Variants in SWT1 observed in about 807,000 individuals in gnomAD.
SWT1 encodes the protein transcriptional protein SWT1.
Under a neutral mutation model 107.3 loss-of-function variants are expected in SWT1, and 33 were observed. The ratio of observed to expected loss-of-function variants is 0.31; its 90% CI spans 0.23 to 0.41. SWT1 has a LOEUF of 0.41. Among genes scored for constraint, SWT1 ranks in the 10% least tolerant of loss-of-function variants. The pLI, the probability that SWT1 is intolerant of heterozygous loss-of-function variation, is 1.00. For missense variants in SWT1, 898 were observed against 1,028.9 expected (o/e 0.87, Z 1.74); for synonymous variants, 345 against 348.3 (o/e 0.99, Z 0.11).
intron 16 of SWT1, among the ~76,000 whole-genome samples, chr1:185,240,018 G>C (rs987829026): frequency 7.2e-5 from 11 of 151,968 alleles, no homozygotes; most frequent in African/African-American, 2.7e-4. Context: ...CCAACTCTGA[G>C]GCACACTGTA....
Position 185,255,297 on chromosome 1 carries a change from C to T in SWT1, c.2442-16026C>T, listed in dbSNP as rs552924510. Among the ~76,000 whole-genome samples, 7 of 149,208 alleles carry T rather than the reference C, an allele frequency of 4.7e-5. No individual in the cohort carries two copies. In the East Asian group the frequency reaches 7.9e-4, roughly 17 times the overall value. ...GAGTTCTGTAGATGTCTATTAGGTC[C>T]ACTTGGTGCAGAGCTGAGTTCAATT... On this transcript the variant is annotated intron_variant, in intron 16 of 18. Transcript: ENST00000367500.
chr1:185,280,320 T>G (rs916721947), intron 18 of SWT1, among the ~76,000 whole-genome samples: 51 of 152,342 alleles, frequency 3.3e-4, no homozygotes, highest in African/African-American at 1.2e-3. Context: ...TAAACCTCTT[T>G]CCTTTATAAA....
At chr1:185,212,376 A>AT (rs1558044358) in intron 13 of SWT1, among the ~76,000 whole-genome samples, 1 of 151,986 alleles carries the variant, frequency 6.6e-6, no homozygotes. Flanking sequence ...TTTTCCTGGC[A>AT]GGGGGGTCTG....
chr1:185,182,326 T>G (rs1192415673), intron 7 of SWT1, among the ~76,000 whole-genome samples: 1 of 152,212 alleles, frequency 6.6e-6, no homozygotes, highest in Non-Finnish European at 1.5e-5. Context: ...TCTTTTATTC[T>G]TGCTGTTATA....
chr1:185,210,405 G>A (rs1412948685), intron 13 of SWT1, among the ~76,000 whole-genome samples: 1 of 152,138 alleles, frequency 6.6e-6, no homozygotes, highest in Non-Finnish European at 1.5e-5. Flanking sequence ...TGTATAAGGT[G>A]TAAGGAAGGG....
intron 18 of SWT1, among the ~76,000 whole-genome samples, chr1:185,278,105 G>A (rs1490738450): frequency 6.6e-6 from 1 of 152,046 alleles, no homozygotes; most frequent in Non-Finnish European, 1.5e-5. Flanking sequence ...ATTGATTACA[G>A]GCATGAGCCA....
chr1:185,196,737 C>A (rs892967900), intron 10 of SWT1, among the ~76,000 whole-genome samples: 2 of 152,004 alleles, frequency 1.3e-5, no homozygotes, highest in African/African-American at 4.8e-5. Context: ...ATTTTATTGT[C>A]TTTGTAGCAA....
intron 16 of SWT1, among the ~76,000 whole-genome samples, chr1:185,237,254 A>G (rs940464914): frequency 1.3e-5 from 2 of 152,198 alleles, no homozygotes; most frequent in Non-Finnish European, 2.9e-5. Flanking sequence ...ATGCACACAT[A>G]TGTTTATTGC....
At chr1:185,265,621 C>T (rs558797221) in intron 16 of SWT1, among the ~76,000 whole-genome samples, 167 of 152,308 alleles carry the variant, frequency 1.1e-3, no homozygotes, top group Non-Finnish European at 1.9e-3. Context: ...TCCATCCATT[C>T]ACCAGCTTTG....
chr1:185,252,528 G>A (rs1054486201), intron 16 of SWT1, among the ~76,000 whole-genome samples: 2 of 152,196 alleles, frequency 1.3e-5, no homozygotes, highest in African/African-American at 2.4e-5. Flanking sequence ...TTCTCTGATG[G>A]CCAGTGATAA....
chr1:185,248,568 A>G (rs771941066), intron 16 of SWT1, among the ~76,000 whole-genome samples: 6 of 152,106 alleles, frequency 3.9e-5, no homozygotes, highest in Non-Finnish European at 5.9e-5. Context: ...ATGAATTTCT[A>G]CACTCCCCCT....
chr1:185,276,002 G>A (rs1403914612), intron 17 of SWT1, among the ~76,000 whole-genome samples: 2 of 151,906 alleles, frequency 1.3e-5, no homozygotes, highest in African/African-American at 4.8e-5. Flanking sequence ...TATATTATTT[G>A]TTATCTGATC....
chr1:185,242,149 A>C (rs989180086), intron 16 of SWT1, among the ~76,000 whole-genome samples: 1 of 152,202 alleles, frequency 6.6e-6, no homozygotes, highest in Admixed American at 6.5e-5. Flanking sequence ...ATATAAGGTC[A>C]TATGTGTAAA....
At chr1:185,244,765 T>C (rs1291201209) in intron 16 of SWT1, among the ~76,000 whole-genome samples, 1 of 152,222 alleles carries the variant, frequency 6.6e-6, no homozygotes, top group Admixed American at 6.5e-5. Context: ...TTTTGACTCT[T>C]TTCCAGTAAC....
chr1:185,177,124 G>C, intron 5 of SWT1: 595 of 710,464 alleles, frequency 8.4e-4, no homozygotes, highest in Non-Finnish European at 9.5e-4. Flanking sequence ...CCCAAAGAGG[G>C]CAAGAATTGA....
chr1:185,253,655 C>G (rs927482251), intron 16 of SWT1, among the ~76,000 whole-genome samples: 7 of 152,062 alleles, frequency 4.6e-5, no homozygotes, highest in Admixed American at 4.6e-4. Flanking sequence ...GCTGAAGTTG[C>G]TTATCCGCTT....
At chr1:185,205,859 TGTGA>T (rs1373445557) in intron 12 of SWT1, among the ~76,000 whole-genome samples, 3 of 152,218 alleles carry the variant, frequency 2.0e-5, no homozygotes, top group African/African-American at 7.2e-5. Context: ...ATTGTATATA[TGTGA>T]GTGATTCAGA....
intron 18 of SWT1, among the ~76,000 whole-genome samples, chr1:185,288,980 G>A (rs1018827852): frequency 5.9e-5 from 9 of 152,112 alleles, no homozygotes; most frequent in African/African-American, 1.9e-4. Flanking sequence ...ACATTCCTTT[G>A]GTAACTGCTA....
intron 16 of SWT1, among the ~76,000 whole-genome samples, chr1:185,258,954 A>G (rs1442265259): frequency 2.0e-5 from 3 of 152,024 alleles, no homozygotes; most frequent in African/African-American, 4.8e-5. Flanking sequence ...TCGTCATTCT[A>G]TCAGCCATAT....
Sources: allele counts gnomAD v4.1 joint callset (sites outside exome capture counted in the v4.1 genomes callset), GRCh38; gene constraint gnomAD v4.1.1; transcripts MANE v1.5; gene names NCBI Gene and HGNC (gene_info 2026-07-23, HGNC 2026-07-21).